Variants in ZNF705A observed in about 807,000 individuals in gnomAD.
ZNF705A encodes the protein zinc finger protein 705A.
Under a neutral mutation model 16.6 loss-of-function variants are expected in ZNF705A, and 8 were observed. The observed-to-expected ratio is 0.48, with a 90% CI of 0.28 to 0.87. ZNF705A has a LOEUF of 0.87. Among genes scored for constraint, ZNF705A ranks in the 40% least tolerant of loss-of-function variants. The probability of loss-of-function intolerance (pLI) is 0.10; values close to 1 mark genes in which losing one functional copy is unlikely to be tolerated. For missense variants in ZNF705A, 233 were observed against 359.9 expected (o/e 0.65, Z 2.85); for synonymous variants, 73 against 117.3 (o/e 0.62, Z 2.44).
At chr12:8,175,995 G>C in intron 4 of ZNF705A, 53 bp downstream of exon 5, 1 of 1,604,754 alleles carries the variant, frequency 6.2e-7, no homozygotes, top group Non-Finnish European at 8.5e-7. Context: ...CATGGTAATG[G>C]GTTAAGTTAG....
intron 1 of ZNF705A, among the ~76,000 whole-genome samples, chr12:8,161,859 G>A (rs1948358562): frequency 6.6e-6 from 1 of 152,150 alleles, no homozygotes; most frequent in African/African-American, 2.4e-5. Context: ...TGGCCCAAAT[G>A]CATTCAATCT....
At chr12:8,171,084 G>C (rs1948441253), upstream of ZNF705A, among the ~76,000 whole-genome samples, 1 of 152,158 alleles carries the variant, frequency 6.6e-6, no homozygotes, top group African/African-American at 2.4e-5. Context: ...TTCAAACTCT[G>C]TTGATCATTT....
chr12:8,157,194 C>A lies in ZNF705A; in HGVS notation c.-72+102C>A, dbSNP rs781265804. ...TTCCATGTAAGTCCTGCTGCTTCAA[C>A]TGGAGACCCTAAATAAGCATTTCAA... On this transcript the variant is annotated intron_variant, in intron 1 of 5. Coordinates refer to the ZNF705A transcript ENST00000396570. The A allele has an allele frequency of 4.4e-4, 172 of 394,224 alleles. 1 individual carries two copies. In the South Asian group the frequency reaches 8.0e-3, roughly 18 times the overall value. 24.4% of individuals were successfully genotyped at this position (394,224 alleles called of 1,614,324 possible).
upstream of ZNF705A, among the ~76,000 whole-genome samples, chr12:8,170,206 A>AAAC (rs1397966957): frequency 1.3e-4 from 19 of 146,974 alleles, no homozygotes; most frequent in South Asian, 6.9e-4. Context: ...CAAAAAAAAA[A>AAAC]AGGAGAGAGA....
chr12:8,171,181 C>T (rs1330925475), upstream of ZNF705A, among the ~76,000 whole-genome samples: 1 of 152,150 alleles, frequency 6.6e-6, no homozygotes, highest in Non-Finnish European at 1.5e-5. Flanking sequence ...CACAATGTCA[C>T]AATTAATACA....
chr12:8,158,197 C>A (rs966375470), intron 1 of ZNF705A, among the ~76,000 whole-genome samples: 5 of 151,982 alleles, frequency 3.3e-5, no homozygotes, highest in African/African-American at 7.3e-5. Context: ...TTTAAAAGGA[C>A]CCTCAATTCT....
chr12:8,165,450 A>T lies in ZNF705A; in HGVS notation c.-71-7105A>T, dbSNP rs1381709959. Among the ~76,000 whole-genome samples, 49 of 81,954 alleles carry T rather than the reference A, an allele frequency of 6.0e-4. No individual in the cohort carries two copies. The East Asian group carries it at 0.013, about 22-fold the overall frequency. 53.8% of individuals were successfully genotyped at this position (81,954 alleles called of 152,430 possible). A position where few individuals can be genotyped will look rare whatever the true frequency, so the allele number is the denominator to read the frequency against. On this transcript the variant is annotated intron_variant, in intron 1 of 5. Transcript: ENST00000396570. ...GGCACCTGCCACCACGCCCAGCTAAATTTTTTTTTTTTTTTTTTTTTTTTT... is the reference window on the plus strand; with the variant it reads ...GGCACCTGCCACCACGCCCAGCTAATTTTTTTTTTTTTTTTTTTTTTTTTT...
At chr12:8,174,211 C>G in intron 1 of ZNF705A, 115 bp from the exon 3 acceptor site, 1 of 1,585,794 alleles carries the variant, frequency 6.3e-7, no homozygotes, top group East Asian at 2.2e-5. Flanking sequence ...CTGGCTGGAA[C>G]CCAAAACACT....
At chr12:8,160,028 A>T (rs1437286786) in intron 1 of ZNF705A, among the ~76,000 whole-genome samples, 2 of 152,118 alleles carry the variant, frequency 1.3e-5, no homozygotes, top group Non-Finnish European at 2.9e-5. Context: ...ATCTAGTTTC[A>T]TTCTCCTACA....
exon 5 of ZNF705A, chr12:8,177,659 C>T (rs1481762970): frequency 1.0e-5 from 16 of 1,577,460 alleles, no homozygotes; most frequent in Non-Finnish European, 1.2e-5. Context: ...ATGTACTAGT[C>T]TTAAATAGCA....
intron 1 of ZNF705A, 122 bp downstream of exon 2, chr12:8,172,759 T>G: frequency 6.7e-7 from 1 of 1,486,984 alleles, no homozygotes. Context: ...TTTTATGATG[T>G]AAAATCCACC....
intron 4 of ZNF705A, 101 bp downstream of exon 5, chr12:8,176,043 A>G (rs1948482219): frequency 2.6e-6 from 4 of 1,564,392 alleles, no homozygotes; most frequent in Non-Finnish European, 2.6e-6. Context: ...TTAGGCTGGC[A>G]TTAAGTGCTT....
In ZNF705A at chr12:8,177,137, CT is replaced by C; in HGVS notation, c.459del (p.Arg154ValfsTer39). On this transcript the variant is annotated frameshift_variant, in exon 5 of 5. Transcript: ENST00000359286. LOFTEE classifies it low-confidence loss of function (END_TRUNC). ...TGTCAGCAAACAGTGTGGAAAATCT[CT>C]TCGTAATCTTTTCTCCCCTAAACCA... 17 of 1,611,980 alleles carry C rather than the reference CT, an allele frequency of 1.1e-5. No individual in the cohort carries two copies. Among genetic ancestry groups the C allele is most frequent in the Non-Finnish European group, 1.4e-5 (16 of 1,179,824 alleles).
upstream of ZNF705A, among the ~76,000 whole-genome samples, chr12:8,169,912 G>A (rs1306463137): frequency 1.3e-5 from 2 of 152,144 alleles, no homozygotes; most frequent in East Asian, 1.9e-4. Context: ...GATCTGGGCC[G>A]GGCACGGTGG....
intron 2 of ZNF705A, among the ~76,000 whole-genome samples, 162 bp from the exon 4 acceptor site, chr12:8,175,066 G>T (rs1054765363): frequency 2.6e-5 from 4 of 152,128 alleles, no homozygotes; most frequent in Non-Finnish European, 4.4e-5. Context: ...CCAGTCTCAT[G>T]TTGGGTCAGA....
intron 1 of ZNF705A, among the ~76,000 whole-genome samples, chr12:8,163,985 G>A (rs1948378531): frequency 6.6e-6 from 1 of 151,778 alleles, no homozygotes; most frequent in Non-Finnish European, 1.5e-5. Flanking sequence ...AGTGAGCTTG[G>A]GGATAAGTAC....
intron 3 of ZNF705A, among the ~76,000 whole-genome samples, chr12:8,175,656 C>A (rs1948479147): frequency 6.6e-6 from 1 of 152,130 alleles, no homozygotes; most frequent in Non-Finnish European, 1.5e-5. Flanking sequence ...TCCATTTTAA[C>A]TCTTTTCACA....
chr12:8,174,011 A>G (rs1948464875), intron 1 of ZNF705A, among the ~76,000 whole-genome samples: 1 of 152,216 alleles, frequency 6.6e-6, no homozygotes, highest in Admixed American at 6.5e-5. Flanking sequence ...CATTTTATTT[A>G]TGAATGTTCA....
chr12:8,161,038 G>A (rs1007995544), intron 1 of ZNF705A, among the ~76,000 whole-genome samples: 1 of 152,128 alleles, frequency 6.6e-6, no homozygotes, highest in Admixed American at 6.6e-5. Context: ...ATCATAAATC[G>A]ATGCTGGATT....
Sources: gnomAD v4.1 joint callset for allele counts (sites outside exome capture counted in the v4.1 genomes callset) on GRCh38, gnomAD v4.1.1 for gene constraint, MANE v1.5 for transcripts, NCBI Gene and HGNC (gene_info 2026-07-23, HGNC 2026-07-21) for gene names.